Variants in NOTCH3 observed in about 807,000 individuals in gnomAD.
The protein encoded by NOTCH3 is notch receptor 3.
In NOTCH3, 86 loss-of-function variants were observed where a neutral mutation model predicts 213.3. The observed-to-expected ratio is 0.40, with a 90% CI of 0.34 to 0.48. The LOEUF (loss-of-function observed/expected upper bound fraction) is 0.48. NOTCH3 is among the 20% of genes least tolerant of loss of function. NOTCH3 has a pLI of 0.57. For synonymous variants in NOTCH3, 1,354 were observed against 1,355.9 expected (o/e 1.00, Z 0.03); for missense variants, 2,783 against 3,272.6 (o/e 0.85, Z 3.65).
chr19:15,188,965 G>A (rs1371191061), intron 8 of NOTCH3, 24 bp downstream of exon 8: 1 of 1,600,288 alleles, frequency 6.2e-7, no homozygotes. Context: ...CTCAGGACCC[G>A]CCCAGGCCAC....
At chr19:15,181,309 C>CAGGT in intron 17 of NOTCH3, 147 bp from the exon 18 acceptor site, 1 of 813,704 alleles carries the variant, frequency 1.2e-6, no homozygotes, top group Non-Finnish European at 2.0e-6. Context: ...AGAAGCCAAT[C>CAGGT]AGGTCCCTTA....
intron 24 of NOTCH3, among the ~76,000 whole-genome samples, chr19:15,175,483 A>G (rs1568352812): frequency 6.8e-6 from 1 of 147,090 alleles, no homozygotes; most frequent in Non-Finnish European, 1.5e-5. Flanking sequence ...GCAGTGAGCC[A>G]AGATCACACC....
At chr19:15,200,499 C>A (rs2047003883) in intron 1 of NOTCH3, among the ~76,000 whole-genome samples, 1 of 151,990 alleles carries the variant, frequency 6.6e-6, no homozygotes. Flanking sequence ...TGTACGCACC[C>A]CCCCACCTCG....
intron 16 of NOTCH3, among the ~76,000 whole-genome samples, 176 bp downstream of exon 16, chr19:15,184,119 C>T (rs2046862032): frequency 6.6e-6 from 1 of 151,322 alleles, no homozygotes; most frequent in South Asian, 2.1e-4. Context: ...CTAACTCGTT[C>T]CATGGGCTTG....
Position 15,186,978 on chromosome 19 carries a change from G to A in NOTCH3, c.1851C>T (p.Cys617=), listed in dbSNP as rs1160179064. The A allele has an allele frequency of 4.3e-6, 7 of 1,614,096 alleles. No homozygotes were observed. Among genetic ancestry groups the A allele is most frequent in the Admixed American group, 1.7e-5 (1 of 60,014 alleles). The part of the protein sequence containing the change: ...RCPSGTTGVN[C]EVNIDDCASN... ...TGGCACAGTCGTCAATGTTCACTTCGCAGTTCACACCTAGGGGCCAGGAAC... is the reference window on the plus strand; with the variant it reads ...TGGCACAGTCGTCAATGTTCACTTCACAGTTCACACCTAGGGGCCAGGAAC... Residue 617 remains cysteine, a synonymous_variant, in exon 12 of 33, where the codon TGC becomes TGT. Coordinates refer to ENST00000263388, the MANE Select transcript of NOTCH3 (RefSeq NM_000435.3).
intron 1 of NOTCH3, among the ~76,000 whole-genome samples, chr19:15,199,101 A>T (rs1478482240): frequency 2.0e-5 from 3 of 152,108 alleles, no homozygotes; most frequent in African/African-American, 7.2e-5. Flanking sequence ...GTCCCATAAC[A>T]TGGGCTATGG....
chr19:15,192,323 T>C (rs1222898885), intron 3 of NOTCH3, 25 bp from the exon 4 acceptor site: 1 of 1,610,768 alleles, frequency 6.2e-7, no homozygotes, highest in African/African-American at 1.3e-5. Flanking sequence ...ACAGGGTGAG[T>C]TTAGGACTGA....
At chr19:15,176,159 ATTTTTT>A (rs34620350) in intron 24 of NOTCH3, among the ~76,000 whole-genome samples, 4 of 119,976 alleles carry the variant, frequency 3.3e-5, no homozygotes, top group Non-Finnish European at 1.7e-5. Context: ...AACAAAAGCA[ATTTTTT>A]TTTTTTTTTT....
rs1399228829 is a variant in NOTCH3 at position 15,179,480 on chromosome 19, T to C, written c.3344A>G (p.Asn1115Ser). 2.5e-6 allele frequency: 4 copies of C among 1,613,822 alleles called. No homozygotes were observed. Among genetic ancestry groups the C allele is most frequent in the East Asian group, 2.2e-5 (1 of 44,892 alleles). ...CACGTCGTCCTCACAGTTATCACCA[T>C]TGTAGCCAGGAAGACACTTCAGTGG... ...GYMCECLPGY[N>S]GDNCEDDVDE... The change falls in exon 21 of 33, where the codon AAT (asparagine) becomes AGT (serine). Residue 1115 changes from asparagine (N) to serine (S), a missense_variant. Physicochemically the swap from Asn to Ser is conservative, Grantham distance 46. Transcript: ENST00000263388.
rs2145381957 is a variant in NOTCH3, at chr19:15,161,301, C to T, written c.6327G>A (p.Arg2109=). 6.5e-7 allele frequency: 1 copy of T among 1,533,154 alleles called. No individual in the cohort carries two copies. The highest frequency in any genetic ancestry group is 8.8e-7 in the Non-Finnish European group (1 of 1,142,566). The allele number at this position is 1,533,154 out of a possible 1,614,324, so 95.0% of individuals were successfully genotyped here. A position where few individuals can be genotyped will look rare whatever the true frequency, so the allele number is the denominator to read the frequency against. The change falls in exon 33 of 33, where the codon CGG becomes CGA. Residue 2109 remains arginine, a synonymous_variant. Transcript: ENST00000263388. Reference sequence around the variant, plus strand: ...GGGAAGCAGGGGGCCCACCGAAAGGCCGCGGGGAGTCCAGCGAGTCCACGG... The same window carrying T: ...GGGAAGCAGGGGGCCCACCGAAAGGTCGCGGGGAGTCCAGCGAGTCCACGG... The part of the protein sequence containing the change: ...LSPVDSLDSP[R]PFGGPPASPG...
At chr19:15,189,770 C>T (rs540003055) in intron 6 of NOTCH3, among the ~76,000 whole-genome samples, 1 of 152,236 alleles carries the variant, frequency 6.6e-6, no homozygotes, top group African/African-American at 2.4e-5. Flanking sequence ...CTGCCTGCCT[C>T]AGCCTCCCAA....
At position 15,187,893 on chromosome 19, in the gene NOTCH3, G is replaced by T. The variant is rs1202763005; in HGVS notation, c.1594C>A (p.Arg532Ser). The change falls in exon 10 of 33, where the codon CGC (arginine) becomes AGC (serine). Residue 532 changes from arginine (R) to serine (S), a missense_variant. By Grantham distance (110) the Arg-to-Ser change is moderately radical (BLOSUM62 -1). Transcript: ENST00000263388. ...TGGCCCGCCTCACCCTCGGCACAGC[G>T]GCACTCGTAGCCATCGGGCTGGTCC... ...CVDQPDGYECRCAEGFEGTLC... is the reference protein window; with the variant it reads ...CVDQPDGYECSCAEGFEGTLC... 2.6e-6 allele frequency: 4 copies of T among 1,549,052 alleles called. No homozygotes were observed. Among genetic ancestry groups the T allele is most frequent in the South Asian group, 1.2e-5 (1 of 83,976 alleles).
chr19:15,188,980 A>C lies in NOTCH3; in HGVS notation c.1378+9T>G. ...CTCAGGACCCGCCCAGGCCACGCCC[A>C]CCACCCACCTGCCATACAGATACAG... On this transcript the variant is annotated intron_variant, in intron 8 of 32. Transcript: ENST00000263388. The C allele has an allele frequency of 6.2e-7, 1 of 1,606,698 alleles. No homozygotes were observed. Among genetic ancestry groups the C allele is most frequent in the Non-Finnish European group, 8.5e-7 (1 of 1,177,210 alleles).
chr19:15,175,585 G>GTA (rs762355254), intron 24 of NOTCH3, among the ~76,000 whole-genome samples: 2,639 of 112,500 alleles, frequency 0.023, 46 homozygotes, highest in South Asian at 0.073. Flanking sequence ...GTATATATAT[G>GTA]TATATACACA....
chr19:15,186,646 C>T (rs1405425450), intron 12 of NOTCH3, among the ~76,000 whole-genome samples: 1 of 152,174 alleles, frequency 6.6e-6, no homozygotes, highest in Non-Finnish European at 1.5e-5. Context: ...CTCAAGTGAT[C>T]CACTTGCCTT....
At chr19:15,162,794 C>T (rs757473) in intron 31 of NOTCH3, among the ~76,000 whole-genome samples, 118 of 30,936 alleles carry the variant, frequency 3.8e-3, no homozygotes, top group East Asian at 0.021. Flanking sequence ...TGTGTGTGTG[C>T]GTGCATGTGC....
Position 15,180,765 on chromosome 19 carries a change from C to T in NOTCH3, c.3058G>A (p.Ala1020Thr), listed in dbSNP as rs35769976. 3.7e-6 allele frequency: 6 copies of T among 1,602,176 alleles called. No individual in the cohort carries two copies. The highest frequency in any genetic ancestry group is 2.2e-5 in the East Asian group (1 of 44,464). ...CATCCAGGGGGACAAAGGCAATAGG[C>T]CCCAGTCTGGACGCAGCGACCCCCG... ...QNGGRCVQTGAYCLCPPGWSG... is the reference protein window; with the variant it reads ...QNGGRCVQTGTYCLCPPGWSG... The change falls in exon 19 of 33, where the codon GCC becomes ACC. Residue 1020 changes from alanine (A) to threonine (T), a missense_variant. Physicochemically the swap from Ala to Thr is moderately conservative, Grantham distance 58. This residue lies in a region of NOTCH3 where 861 missense variants were observed against 909.1 expected (regional missense o/e 0.95). Coordinates refer to ENST00000263388, the MANE Select transcript of NOTCH3 (RefSeq NM_000435.3).
chr19:15,172,261 C>T (rs558605300), intron 25 of NOTCH3, among the ~76,000 whole-genome samples: 2 of 152,116 alleles, frequency 1.3e-5, no homozygotes, highest in Non-Finnish European at 2.9e-5. Flanking sequence ...CAGATTAATT[C>T]TTCTGTTCCT....
rs2064321524 is a variant in NOTCH3 at position 15,177,900 on chromosome 19, G to T, written c.4028C>A (p.Pro1343His). ...GCGGCAGGAGCCCCCGTGGAGACAG[G>T]GGGCGGCCGCGCAGCTGGCGTTGCT... Reference protein sequence around the residue: ...GASNASCAAAPCLHGGSCRPA... With the variant: ...GASNASCAAAHCLHGGSCRPA... Residue 1343 changes from proline to histidine, a missense_variant, in exon 24 of 33, where the codon CCC (proline) becomes CAC (histidine). Pro to His is a moderately conservative substitution (Grantham distance 77). This residue lies in a region of NOTCH3 where 133 missense variants were observed against 201.9 expected (regional missense o/e 0.66). Coordinates refer to ENST00000263388, the MANE Select transcript of NOTCH3 (RefSeq NM_000435.3). 2.4e-6 allele frequency: 3 copies of T among 1,267,572 alleles called. No homozygotes were observed. In the African/African-American group the frequency reaches 4.7e-5, roughly 20 times the overall value. 78.5% of individuals were successfully genotyped at this position (1,267,572 alleles called of 1,614,324 possible). A position where few individuals can be genotyped will look rare whatever the true frequency, so the allele number is the denominator to read the frequency against.
Sources: gnomAD v4.1 joint callset for allele counts (sites outside exome capture counted in the v4.1 genomes callset) on GRCh38, gnomAD v4.1.1 for gene constraint, gnomAD v4.1.1 regional missense constraint, MANE v1.5 for transcripts, NCBI Gene and HGNC (gene_info 2026-07-23, HGNC 2026-07-21) for gene names.